The following CTNNAL1 variants were observed in gnomAD, a reference collection of about 807,000 sequenced individuals.
The protein encoded by CTNNAL1 is alpha-catulin.
CTNNAL1 carries 69 observed loss-of-function variants against 93.6 expected under a neutral mutation model. The ratio of observed to expected loss-of-function variants is 0.74; its 90% CI spans 0.61 to 0.90. CTNNAL1 has a LOEUF of 0.90. CTNNAL1 is among the 40% of genes least tolerant of loss of function. The pLI, the probability that CTNNAL1 is intolerant of heterozygous loss-of-function variation, is 0.00. For synonymous variants in CTNNAL1, 286 were observed against 305.4 expected (o/e 0.94, Z 0.66); for missense variants, 836 against 862.0 (o/e 0.97, Z 0.38).
intron 12 of CTNNAL1, among the ~76,000 whole-genome samples, chr9:108,953,864 A>T (rs979985500): frequency 3.3e-5 from 5 of 152,172 alleles, no homozygotes; most frequent in African/African-American, 1.2e-4. Flanking sequence ...AGAATAAACA[A>T]ATATGACCAA....
intron 11 of CTNNAL1, among the ~76,000 whole-genome samples, chr9:108,959,546 C>A (rs1475618215): frequency 6.6e-6 from 1 of 151,836 alleles, no homozygotes; most frequent in African/African-American, 2.4e-5. Flanking sequence ...CACTGCACAC[C>A]AGCCTGGGTG....
In CTNNAL1 at chr9:108,989,331, A is replaced by G. The variant is rs138072883; in HGVS notation, c.639+1395T>C. ...TATAAAAATACTCAGGCTAATAATTATCATTGGGGAGAATGAGGAGAAGAA... is the reference window on the plus strand; with the variant it reads ...TATAAAAATACTCAGGCTAATAATTGTCATTGGGGAGAATGAGGAGAAGAA... On this transcript the variant is annotated intron_variant, in intron 4 of 18. Coordinates refer to ENST00000325551, the MANE Select transcript of CTNNAL1 (RefSeq NM_003798.4). 1.2e-4 allele frequency among the ~76,000 whole-genome samples: 19 copies of G among 152,336 alleles called. No individual in the cohort carries two copies. In the East Asian group the frequency reaches 3.7e-3, roughly 29 times the overall value.
chr9:109,013,126 C>A (rs1413676870), intron 1 of CTNNAL1, among the ~76,000 whole-genome samples, 176 bp downstream of exon 1: 1 of 152,178 alleles, frequency 6.6e-6, no homozygotes. Context: ...TCCAGTCTCT[C>A]GCCGCCCGGG....
At chr9:108,976,394 A>G (rs2132139439) in intron 8 of CTNNAL1, among the ~76,000 whole-genome samples, 1 of 152,308 alleles carries the variant, frequency 6.6e-6, no homozygotes, top group East Asian at 1.9e-4. Context: ...TCATTTATCA[A>G]TTCCTCTGTT....
intron 11 of CTNNAL1, among the ~76,000 whole-genome samples, chr9:108,962,449 C>T (rs1830842176): frequency 6.6e-6 from 1 of 152,084 alleles, no homozygotes; most frequent in Non-Finnish European, 1.5e-5. Flanking sequence ...AAAAGGAGAA[C>T]ACTGAATTAA....
Position 108,952,455 on chromosome 9 carries a change from G to C in CTNNAL1, c.1669C>G (p.Pro557Ala). 1 of 1,614,116 alleles carries C rather than the reference G, an allele frequency of 6.2e-7. No individual in the cohort carries two copies. Among genetic ancestry groups the C allele is most frequent in the Non-Finnish European group, 8.5e-7 (1 of 1,180,010 alleles). The change falls in exon 13 of 19, where the codon CCT (proline) becomes GCT (alanine). Residue 557 changes from proline (P) to alanine (A), a missense_variant. Physicochemically the swap from Pro to Ala is conservative, Grantham distance 27. Transcript: ENST00000325551. ...GGAATTGGTCTTACCTCAGAGTCAG[G>C]CTTGTCTGGCTTTAATGATTTCAGG... ...ANLKSLKPDK[P>A]DSEEQAKIAK...
intron 3 of CTNNAL1, among the ~76,000 whole-genome samples, chr9:108,991,739 C>T (rs1831814271): frequency 6.6e-6 from 1 of 152,226 alleles, no homozygotes; most frequent in African/African-American, 2.4e-5. Flanking sequence ...AGATCCACCT[C>T]TCCAATTTCT....
intron 2 of CTNNAL1, among the ~76,000 whole-genome samples, chr9:108,998,450 T>C (rs1227212542): frequency 1.3e-5 from 2 of 152,046 alleles, no homozygotes; most frequent in African/African-American, 4.8e-5. Context: ...TCATTTATGA[T>C]CTGTCTCCCT....
chr9:108,950,222 G>A (rs1437522682), intron 14 of CTNNAL1, among the ~76,000 whole-genome samples: 6 of 152,278 alleles, frequency 3.9e-5, no homozygotes, highest in African/African-American at 1.4e-4. Flanking sequence ...TGTTATTTCA[G>A]TTAGTCTGTG....
intron 12 of CTNNAL1, among the ~76,000 whole-genome samples, chr9:108,954,532 C>T (rs1830642893): frequency 6.6e-6 from 1 of 152,088 alleles, no homozygotes; most frequent in Non-Finnish European, 1.5e-5. Flanking sequence ...TTGCTTAAAC[C>T]CAGTAGGATA....
intron 10 of CTNNAL1, among the ~76,000 whole-genome samples, chr9:108,965,961 C>T (rs1375558430): frequency 2.0e-5 from 3 of 152,184 alleles, no homozygotes; most frequent in African/African-American, 4.8e-5. Flanking sequence ...AACATATATA[C>T]ACACCCATGA....
intron 12 of CTNNAL1, among the ~76,000 whole-genome samples, chr9:108,954,702 C>A (rs1337077485): frequency 6.6e-6 from 1 of 152,156 alleles, no homozygotes; most frequent in Admixed American, 6.5e-5. Flanking sequence ...TTTACACCAG[C>A]TACATTCAGT....
At chr9:109,005,815 T>C (rs986496931) in intron 1 of CTNNAL1, among the ~76,000 whole-genome samples, 5 of 152,228 alleles carry the variant, frequency 3.3e-5, no homozygotes, top group Non-Finnish European at 5.9e-5. Context: ...ATATGAACTA[T>C]TGTTCCGTTC....
chr9:108,990,727 T>G lies in CTNNAL1; in HGVS notation c.638A>C (p.Asn213Thr), dbSNP rs1587978443. The G allele has an allele frequency of 1.9e-6, 3 of 1,610,744 alleles. No individual in the cohort carries two copies. Among genetic ancestry groups the G allele is most frequent in the Non-Finnish European group, 2.5e-6 (3 of 1,178,976 alleles). ...EFAHLSGDRQ[N>T]DLKDEKKKAK... ...TTGTAAAATGTGATGAATACATACA[T>G]TTTGTCTATCTCCACTCAGATGTGC... The change falls in exon 4 of 19, where the codon AAT becomes ACT. Residue 213 changes from asparagine to threonine, a missense_variant and splice_region_variant. Asn to Thr is a moderately conservative substitution (Grantham distance 65). Coordinates refer to ENST00000325551, the MANE Select transcript of CTNNAL1 (RefSeq NM_003798.4).
chr9:108,992,969 T>A, intron 2 of CTNNAL1, 150 bp from the exon 3 acceptor site: 1 of 867,830 alleles, frequency 1.2e-6, no homozygotes, highest in Non-Finnish European at 1.7e-6. Flanking sequence ...TTGACGATTG[T>A]AGGGATTATC....
intron 1 of CTNNAL1, among the ~76,000 whole-genome samples, chr9:109,007,793 A>G (rs573839889): frequency 7.3e-4 from 111 of 152,332 alleles, no homozygotes; most frequent in African/African-American, 2.6e-3. Context: ...CTGACAGCCC[A>G]TGTACTATCT....
chr9:108,954,832 A>G (rs7027874), intron 12 of CTNNAL1, among the ~76,000 whole-genome samples: 54,200 of 151,276 alleles, frequency 0.36, 9,959 homozygotes, highest in Admixed American at 0.45. Context: ...CTACACCATC[A>G]AGCATTCCCA....
At chr9:109,001,735 C>T (rs932501015) in intron 1 of CTNNAL1, among the ~76,000 whole-genome samples, 1 of 152,168 alleles carries the variant, frequency 6.6e-6, no homozygotes, top group African/African-American at 2.4e-5. Context: ...ATTCTCCAGC[C>T]CCAGTCAAGC....
chr9:108,943,977 T>C lies in CTNNAL1; in HGVS notation c.1926A>G (p.Gln642=), dbSNP rs766320045. 3.7e-6 allele frequency: 6 copies of C among 1,613,802 alleles called. No homozygotes were observed. In the South Asian group the frequency reaches 4.4e-5, roughly 12 times the overall value. The change falls in exon 16 of 19, where the codon CAA becomes CAG. Residue 642 remains glutamine, a synonymous_variant. Transcript: ENST00000325551. ...AEGLKLTSSV[Q]AFSKQLKDDD... The stretch of plus-strand genomic sequence containing the variant: ...CATGTGTTACCTGTTTTGAAAAAGC[T>C]TGAACACTGGAAGTAAGCTTTAAAC...
Sources: allele counts gnomAD v4.1 joint callset (sites outside exome capture counted in the v4.1 genomes callset), GRCh38; gene constraint gnomAD v4.1.1; transcripts MANE v1.5; gene names NCBI Gene and HGNC (gene_info 2026-07-23, HGNC 2026-07-21).